MROH9: variants seen among roughly 807,000 people sequenced by gnomAD.
The protein encoded by MROH9 is maestro heat like repeat family member 9.
MROH9 carries 92 observed loss-of-function variants against 98.2 expected under a neutral mutation model. The ratio of observed to expected loss-of-function variants is 0.94; its 90% CI spans 0.79 to 1.11. The LOEUF (loss-of-function observed/expected upper bound fraction) is 1.11. Ranked by LOEUF, MROH9 falls within the 50% of genes most tolerant of loss-of-function variation. MROH9 has a pLI of 0.00. For synonymous variants in MROH9, 397 were observed against 368.9 expected (o/e 1.08, Z -0.87); for missense variants, 1,057 against 1,014.8 (o/e 1.04, Z -0.57).
In MROH9 at chr1:170,965,960, T is replaced by A. The variant is rs529765322; in HGVS notation, c.480+705T>A. Among the ~76,000 whole-genome samples the A allele has an allele frequency of 1.3e-5, 2 of 152,268 alleles. 1 individual carries two copies. The highest frequency in any genetic ancestry group is 4.8e-5 in the African/African-American group (2 of 41,586). On this transcript the variant is annotated intron_variant, in intron 7 of 21. Coordinates refer to ENST00000367759, the MANE Select transcript of MROH9 (RefSeq NM_001163629.2). Reference sequence around the variant, plus strand: ...TAAATACAGTATATAGCCCATAGTTTTGACATATTATGATCCATTTAGCTA... The same window carrying A: ...TAAATACAGTATATAGCCCATAGTTATGACATATTATGATCCATTTAGCTA...
At chr1:171,007,624 C>T (rs2101825865) in intron 15 of MROH9, among the ~76,000 whole-genome samples, 1 of 152,310 alleles carries the variant, frequency 6.6e-6, no homozygotes, top group Admixed American at 6.5e-5. Context: ...CCGGGATCTG[C>T]TGTGGGACCA....
At chr1:171,001,159 T>C (rs913196933) in intron 15 of MROH9, among the ~76,000 whole-genome samples, 27 of 152,150 alleles carry the variant, frequency 1.8e-4, no homozygotes, top group Non-Finnish European at 3.2e-4. Flanking sequence ...TCTAATCGTC[T>C]ATCAATTTTA....
At chr1:170,990,637 AC>A (rs1197912220) in intron 11 of MROH9, among the ~76,000 whole-genome samples, 1 of 152,204 alleles carries the variant, frequency 6.6e-6, no homozygotes, top group African/African-American at 2.4e-5. Context: ...TCAAGGTACT[AC>A]TTCTCTACTA....
intron 20 of MROH9, among the ~76,000 whole-genome samples, chr1:171,041,436 C>CACACACACAT (rs1160876854): frequency 7.1e-6 from 1 of 141,436 alleles, no homozygotes; most frequent in Non-Finnish European, 1.6e-5. Context: ...CACACACACA[C>CACACACACAT]ATATATATGT....
chr1:171,033,618 T>C (rs977326099), intron 20 of MROH9, among the ~76,000 whole-genome samples: 2 of 152,214 alleles, frequency 1.3e-5, no homozygotes, highest in Non-Finnish European at 2.9e-5. Context: ...CCTGAGTACC[T>C]TGGCTGCCAG....
At chr1:171,062,679 A>G (rs1018285323) in intron 21 of MROH9, among the ~76,000 whole-genome samples, 2 of 152,244 alleles carry the variant, frequency 1.3e-5, no homozygotes, top group African/African-American at 4.8e-5. Flanking sequence ...ATATTAGTCT[A>G]TCAAAATGTT....
intron 8 of MROH9, among the ~76,000 whole-genome samples, chr1:170,976,779 T>C (rs1358956314): frequency 6.6e-6 from 1 of 152,188 alleles, no homozygotes; most frequent in Non-Finnish European, 1.5e-5. Context: ...TGTTGACCTG[T>C]CTAGCAAGGT....
chr1:170,985,564 A>T (rs746131351), intron 9 of MROH9, among the ~76,000 whole-genome samples: 3 of 152,210 alleles, frequency 2.0e-5, no homozygotes, highest in Non-Finnish European at 4.4e-5. Context: ...TTTCACTGGG[A>T]ATTGCTTCTT....
chr1:171,012,499 ATTTT>A (rs372676922), intron 15 of MROH9, among the ~76,000 whole-genome samples: 174 of 114,216 alleles, frequency 1.5e-3, no homozygotes, highest in African/African-American at 5.8e-3. Context: ...TAAAACTGTC[ATTTT>A]TTTTTTTTTT....
intron 1 of MROH9, among the ~76,000 whole-genome samples, chr1:170,943,338 C>T (rs1362709322): frequency 6.6e-6 from 1 of 151,710 alleles, no homozygotes; most frequent in Admixed American, 6.6e-5. Context: ...ATGAATATTG[C>T]TAAAAATGTG....
chr1:170,947,100 TTATC>T (rs1428934346), intron 2 of MROH9, among the ~76,000 whole-genome samples: 1 of 152,010 alleles, frequency 6.6e-6, no homozygotes, highest in East Asian at 1.9e-4. Context: ...ACTGACTTTT[TTATC>T]TATCACATTA....
At chr1:170,947,486 A>G in intron 2 of MROH9, 41 bp from the exon 3 acceptor site, 1 of 1,562,204 alleles carries the variant, frequency 6.4e-7, no homozygotes, top group South Asian at 1.1e-5. Flanking sequence ...ATAGGAGTCT[A>G]TGTTCATTCC....
At chr1:171,054,103 T>C (rs1340750044) in intron 20 of MROH9, among the ~76,000 whole-genome samples, 1 of 152,228 alleles carries the variant, frequency 6.6e-6, no homozygotes, top group Non-Finnish European at 1.5e-5. Flanking sequence ...TTAATCTGTT[T>C]AGCAAGTTTT....
At chr1:170,959,410 T>C (rs1649921448) in intron 4 of MROH9, 52 bp from the exon 5 acceptor site, 1 of 1,439,658 alleles carries the variant, frequency 6.9e-7, no homozygotes, top group East Asian at 2.4e-5. Context: ...CCCACTAAAT[T>C]TCTATTATAT....
At chr1:171,050,965 T>G (rs1017447234) in intron 20 of MROH9, among the ~76,000 whole-genome samples, 2 of 151,864 alleles carry the variant, frequency 1.3e-5, no homozygotes, top group Non-Finnish European at 2.9e-5. Context: ...ATTTATTGAT[T>G]TTTTTTATGT....
chr1:170,989,088 T>C (rs749587576), intron 10 of MROH9, among the ~76,000 whole-genome samples: 2 of 152,198 alleles, frequency 1.3e-5, no homozygotes, highest in Non-Finnish European at 2.9e-5. Flanking sequence ...CTGTATATGA[T>C]GTAACTGCAG....
chr1:170,991,040 A>G lies in MROH9; in HGVS notation c.1028+1037A>G, dbSNP rs554129115. Reference sequence around the variant, plus strand: ...AGGAACTAAGCACCCACTTTGTGTAAAGTATTACTGGCCCTCAAGCATTTT... The same window carrying G: ...AGGAACTAAGCACCCACTTTGTGTAGAGTATTACTGGCCCTCAAGCATTTT... On this transcript the variant is annotated intron_variant, in intron 11 of 21. Transcript: ENST00000367759. 5.9e-5 allele frequency among the ~76,000 whole-genome samples: 9 copies of G among 152,252 alleles called. No individual in the cohort carries two copies. In the East Asian group the frequency reaches 1.7e-3, roughly 29 times the overall value.
At chr1:170,978,747 G>A (rs925139426) in intron 8 of MROH9, among the ~76,000 whole-genome samples, 1 of 152,150 alleles carries the variant, frequency 6.6e-6, no homozygotes, top group Non-Finnish European at 1.5e-5. Flanking sequence ...AAGGTCAAGA[G>A]GCCCTGTCTG....
chr1:170,980,608 C>T (rs1650892897), intron 8 of MROH9, among the ~76,000 whole-genome samples: 1 of 152,154 alleles, frequency 6.6e-6, no homozygotes, highest in Non-Finnish European at 1.5e-5. Flanking sequence ...ACATCTTACA[C>T]AAAAATTATC....
Sources: gnomAD v4.1 joint callset for allele counts (sites outside exome capture counted in the v4.1 genomes callset) on GRCh38, gnomAD v4.1.1 for gene constraint, MANE v1.5 for transcripts, NCBI Gene and HGNC (gene_info 2026-07-23, HGNC 2026-07-21) for gene names.